Variants in DOCK3 observed in about 807,000 individuals in gnomAD.
DOCK3 encodes dedicator of cytokinesis protein 3.
In DOCK3, 60 loss-of-function variants were observed where a neutral mutation model predicts 265.6. The observed-to-expected ratio is 0.23, with a 90% CI of 0.18 to 0.28. DOCK3 has a LOEUF of 0.28. Ranked by LOEUF, DOCK3 falls within the 10% of genes least tolerant of loss-of-function variation. The pLI is 1.00. For synonymous variants in DOCK3, 881 were observed against 938.0 expected (o/e 0.94, Z 1.11); for missense variants, 1,981 against 2,594.3 (o/e 0.76, Z 5.14).
chr3:50,754,103 C>T (rs1251352904), intron 1 of DOCK3, among the ~76,000 whole-genome samples: 1 of 133,444 alleles, frequency 7.5e-6, no homozygotes, highest in Non-Finnish European at 1.5e-5. Flanking sequence ...TTGCAGTGAG[C>T]CAAGATCGTG....
intron 5 of DOCK3, 88 bp from the exon 6 acceptor site, chr3:51,064,360 C>T: frequency 6.6e-7 from 1 of 1,525,484 alleles, no homozygotes; most frequent in South Asian, 1.2e-5. Context: ...GAAATGAGCA[C>T]TTTTCATAGT....
chr3:50,979,560 C>G (rs1211220556), intron 5 of DOCK3, among the ~76,000 whole-genome samples: 2 of 152,294 alleles, frequency 1.3e-5, no homozygotes, highest in East Asian at 3.9e-4. Flanking sequence ...TTGAACTCCC[C>G]TTTCCCATTT....
At chr3:51,198,924 G>A (rs2088502339) in intron 12 of DOCK3, among the ~76,000 whole-genome samples, 3 of 152,104 alleles carry the variant, frequency 2.0e-5, no homozygotes, top group Admixed American at 2.0e-4. Context: ...AGCTACTCAG[G>A]AGGCTGAGGC....
At chr3:51,171,548 C>T (rs1477884295) in intron 12 of DOCK3, among the ~76,000 whole-genome samples, 1 of 151,934 alleles carries the variant, frequency 6.6e-6, no homozygotes, top group Non-Finnish European at 1.5e-5. Flanking sequence ...AATCCCGTCT[C>T]TACTAAAAAT....
In DOCK3 at chr3:51,000,924, A is replaced by G. The variant is rs1004398100; in HGVS notation, c.316-63524A>G. On this transcript the variant is annotated intron_variant, in intron 5 of 52. Transcript: ENST00000266037. ...TGCCTTGGCCTCCCAAAGTGCTGGG[A>G]TTACAGGCGTGGGCCGCCACACCCA... Among the ~76,000 whole-genome samples the G allele has an allele frequency of 9.9e-5, 15 of 152,244 alleles. 1 individual carries two copies. Among genetic ancestry groups the G allele is most frequent in the African/African-American group, 3.6e-4 (15 of 41,474 alleles).
At chr3:51,150,698 G>C (rs1416300941) in intron 10 of DOCK3, among the ~76,000 whole-genome samples, 2 of 152,226 alleles carry the variant, frequency 1.3e-5, no homozygotes, top group Non-Finnish European at 2.9e-5. Context: ...TGTGGTCTGA[G>C]AGACAGTTTA....
chr3:50,970,771 G>C (rs1245371142), intron 5 of DOCK3, among the ~76,000 whole-genome samples: 1 of 141,938 alleles, frequency 7.0e-6, no homozygotes, highest in Non-Finnish European at 1.5e-5. Context: ...CTCTTGCCCA[G>C]ACTGCAGTGC....
chr3:50,947,282 T>C (rs958791539), intron 5 of DOCK3, among the ~76,000 whole-genome samples: 6 of 152,128 alleles, frequency 3.9e-5, no homozygotes, highest in Admixed American at 6.5e-5. Flanking sequence ...AGTCAACTTA[T>C]AATAGTTTGA....
Position 51,214,158 on chromosome 3 carries a change from T to C in DOCK3, c.1163T>C (p.Met388Thr). ...TCTCTGCAGCTTCTTCGTGGAGACA[T>C]GGAACAGATTCGGAGAGAAAATCCC... The part of the protein sequence containing the change: ...IISLQLLRGD[M>T]EQIRRENPMI... Residue 388 changes from methionine (M) to threonine (T), a missense_variant, in exon 14 of 53, where the codon ATG (methionine) becomes ACG (threonine). Around this residue, in one of 4 missense-constraint regions of DOCK3, gnomAD observed 456 missense variants for 539.0 expected, o/e 0.85. Coordinates refer to ENST00000266037, the MANE Select transcript of DOCK3 (RefSeq NM_004947.5). 1 of 1,613,898 alleles carries C rather than the reference T, an allele frequency of 6.2e-7. No homozygotes were observed. Among genetic ancestry groups the C allele is most frequent in the Non-Finnish European group, 8.5e-7 (1 of 1,179,844 alleles).
intron 9 of DOCK3, among the ~76,000 whole-genome samples, chr3:51,123,208 G>T (rs1267102332): frequency 1.3e-5 from 2 of 152,126 alleles, no homozygotes; most frequent in East Asian, 3.9e-4. Flanking sequence ...CCTGCCCATG[G>T]TTTTCCAGCT....
chr3:51,090,495 G>A, intron 9 of DOCK3, 111 bp downstream of exon 9: 1 of 1,163,928 alleles, frequency 8.6e-7, no homozygotes, highest in Non-Finnish European at 1.2e-6. Context: ...ACAAGATAAA[G>A]TAACCTCATC....
intron 9 of DOCK3, among the ~76,000 whole-genome samples, chr3:51,101,700 T>C (rs2083097240): frequency 6.6e-6 from 1 of 152,162 alleles, no homozygotes; most frequent in Non-Finnish European, 1.5e-5. Flanking sequence ...ACAAATGACT[T>C]ATTATAAACT....
chr3:50,814,756 T>G (rs2043973783), intron 2 of DOCK3, among the ~76,000 whole-genome samples: 1 of 152,180 alleles, frequency 6.6e-6, no homozygotes, highest in Non-Finnish European at 1.5e-5. Flanking sequence ...ATTTTTTTAG[T>G]TTTTTGTTTC....
chr3:51,288,568 A>G (rs1416217707), intron 27 of DOCK3, among the ~76,000 whole-genome samples: 1 of 152,026 alleles, frequency 6.6e-6, no homozygotes, highest in African/African-American at 2.4e-5. Flanking sequence ...CTATATAACA[A>G]ACCTGCACAT....
chr3:51,193,286 A>C (rs902369547), intron 12 of DOCK3, among the ~76,000 whole-genome samples: 10 of 152,156 alleles, frequency 6.6e-5, no homozygotes, highest in Admixed American at 4.6e-4. Context: ...ATAATGTATT[A>C]ACTTTTTGAT....
At chr3:50,941,987 A>G (rs764100376) in intron 5 of DOCK3, among the ~76,000 whole-genome samples, 4 of 152,056 alleles carry the variant, frequency 2.6e-5, no homozygotes, top group Admixed American at 6.6e-5. Flanking sequence ...GGTGATAGCT[A>G]TTTGAATTTA....
intron 9 of DOCK3, among the ~76,000 whole-genome samples, chr3:51,122,071 A>C (rs980970001): frequency 2.0e-5 from 3 of 152,150 alleles, no homozygotes; most frequent in Admixed American, 6.5e-5. Context: ...TTTCCCTATC[A>C]GCAACCCCCT....
chr3:51,167,917 T>C (rs2086485548), intron 12 of DOCK3, among the ~76,000 whole-genome samples: 1 of 152,222 alleles, frequency 6.6e-6, no homozygotes, highest in African/African-American at 2.4e-5. Context: ...ACTTCCAGTC[T>C]GGATGTGTCT....
At position 50,752,107 on chromosome 3, in the gene DOCK3, G is replaced by C. The variant is rs115607609; in HGVS notation, c.38-26568G>C. Among the ~76,000 whole-genome samples the C allele has an allele frequency of 3.0e-3, 457 of 152,164 alleles. 3 individuals carry two copies. Among genetic ancestry groups the C allele is most frequent in the African/African-American group, 0.011 (436 of 41,496 alleles). On this transcript the variant is annotated intron_variant, in intron 1 of 52. Transcript: ENST00000266037. ...TTTTCTTTTTTGTCTTTTCTTTTCT[G>C]CTTCATAGGGAAGGTTGTCAAATAG... is the stretch of plus-strand genomic sequence containing the variant.
Sources: allele counts gnomAD v4.1 joint callset (sites outside exome capture counted in the v4.1 genomes callset), GRCh38; gene constraint gnomAD v4.1.1; regional missense constraint gnomAD v4.1.1; transcripts MANE v1.5; gene names NCBI Gene and HGNC (gene_info 2026-07-23, HGNC 2026-07-21).